ZKSCAN7: variants seen among roughly 807,000 people sequenced by gnomAD.
ZKSCAN7 encodes the protein zinc finger with KRAB and SCAN domains 7.
Under a neutral mutation model 65.3 loss-of-function variants are expected in ZKSCAN7, and 38 were observed. The ratio of observed to expected loss-of-function variants is 0.58; its 90% CI spans 0.45 to 0.76. The LOEUF is 0.76. Ranked by LOEUF, ZKSCAN7 falls within the 30% of genes least tolerant of loss-of-function variation. The probability of loss-of-function intolerance (pLI) is 0.00; values close to 1 mark genes in which losing one functional copy is unlikely to be tolerated. For missense variants in ZKSCAN7, 815 were observed against 913.3 expected, an observed-to-expected ratio of 0.89 and a Z score of 1.39; for synonymous variants, 321 against 321.0, an observed-to-expected ratio of 1.00 and a Z score of 0.00.
chr3:44,580,239 C>T, intron 5 of ZKSCAN7: 1 of 1,613,200 alleles, frequency 6.2e-7, no homozygotes, highest in South Asian at 1.1e-5. Context: ...AGAGAAGTAG[C>T]TGCTCTCCCC....
At chr3:44,582,940 G>A in intron 5 of ZKSCAN7, 3 of 430,460 alleles carry the variant, frequency 7.0e-6, no homozygotes, top group African/African-American at 2.0e-5. Flanking sequence ...GTGTGTGTGT[G>A]TGTGTGACTG....
downstream of ZKSCAN7, among the ~76,000 whole-genome samples, chr3:44,576,425 A>AT (rs1280685196): frequency 6.6e-6 from 1 of 151,946 alleles, no homozygotes. Flanking sequence ...GATGTTTTGC[A>AT]TTTTGGTTTC....
In ZKSCAN7 at chr3:44,564,809, G is replaced by GT. The variant is rs566084039; in HGVS notation, c.424-669dup. On this transcript the variant is annotated intron_variant, in intron 2 of 5. Coordinates refer to ENST00000426540, the MANE Select transcript of ZKSCAN7 (RefSeq NM_001288590.2). ...TTTTGTTTGTTTGGTTTTTGTTTTT[G>GT]TTTTTTTTTGAGACGGAGTCTCGCT... Among the ~76,000 whole-genome samples, 1,078 of 150,256 alleles carry GT rather than the reference G, an allele frequency of 7.2e-3. 4 individuals are homozygous for GT. Among genetic ancestry groups the GT allele is most frequent in the African/African-American group, 0.019 (789 of 40,940 alleles).
intron 2 of ZKSCAN7, among the ~76,000 whole-genome samples, chr3:44,565,259 A>G (rs562449133): frequency 6.6e-6 from 1 of 152,294 alleles, no homozygotes; most frequent in East Asian, 1.9e-4. Flanking sequence ...TCTGGTCCTC[A>G]AGCCCCTACC....
At chr3:44,577,642 G>C (rs4682747) in intron 5 of ZKSCAN7, among the ~76,000 whole-genome samples, 133,518 of 152,122 alleles carry the variant, frequency 0.88, 58,704 homozygotes, top group Middle Eastern at 0.93. Flanking sequence ...GTGAGTGTGG[G>C]GGGTCACAGC....
In ZKSCAN7 at chr3:44,570,579, C is replaced by T. The variant is rs752660646; in HGVS notation, c.1469C>T (p.Thr490Ile). 6.2e-7 allele frequency: 1 copy of T among 1,612,696 alleles called. No individual in the cohort carries two copies. The highest frequency in any genetic ancestry group is 2.2e-5 in the East Asian group (1 of 44,860). Residue 490 changes from threonine to isoleucine, a missense_variant, in exon 6 of 6, where the codon ACT becomes ATT. Around this residue, in one of 3 missense-constraint regions of ZKSCAN7, gnomAD observed 578 missense variants for 629.5 expected, o/e 0.92. Transcript: ENST00000426540. Reference sequence around the variant, plus strand: ...CTCACTGACCACCAGAGAACCCATACTGGGGAGAAACCTTATGAATGCAAT... The same window carrying T: ...CTCACTGACCACCAGAGAACCCATATTGGGGAGAAACCTTATGAATGCAAT... ...SRLTDHQRTH[T>I]GEKPYECNEC...
At chr3:44,581,337 T>G (rs2125737865) in intron 5 of ZKSCAN7, among the ~76,000 whole-genome samples, 1 of 151,302 alleles carries the variant, frequency 6.6e-6, no homozygotes, top group Middle Eastern at 3.4e-3. Context: ...TCCCGGCTCG[T>G]CCGCGCCGCC....
At chr3:44,581,173 G>GCGCCGAGGCTCCTGAGC (rs1700075175) in intron 5 of ZKSCAN7, 1 of 823,732 alleles carries the variant, frequency 1.2e-6, no homozygotes, top group African/African-American at 1.9e-5. Context: ...CTCGCTGCAC[G>GCGCCGAGGCTCCTGAGC]CGCCGAGGCT....
At position 44,557,095 on chromosome 3, in the gene ZKSCAN7, T is replaced by C. The variant is rs773061131; in HGVS notation, c.48T>C (p.Thr16=). Residue 16 remains threonine (T), a synonymous_variant, in exon 2 of 6, where the codon ACT becomes ACC. Coordinates refer to ENST00000426540, the MANE Select transcript of ZKSCAN7 (RefSeq NM_001288590.2). The stretch of plus-strand genomic sequence containing the variant: ...ATTTAGGCCTCATCCCCAGGAGCAC[T>C]GCTTTCCAGAAGCAAGAGGGGCGCC... ...RGNLGLIPRS[T]AFQKQEGRLT... 1.2e-6 allele frequency: 2 copies of C among 1,614,242 alleles called. No homozygotes were observed. Among genetic ancestry groups the C allele is most frequent in the Non-Finnish European group, 1.7e-6 (2 of 1,180,046 alleles).
intron 2 of ZKSCAN7, among the ~76,000 whole-genome samples, chr3:44,563,447 A>T (rs538352756): frequency 6.6e-6 from 1 of 152,324 alleles, no homozygotes; most frequent in East Asian, 1.9e-4. Context: ...GTCGACTCAC[A>T]GTTCTGCAGG....
chr3:44,565,868 C>G (rs934114551), intron 3 of ZKSCAN7, among the ~76,000 whole-genome samples: 1 of 152,222 alleles, frequency 6.6e-6, no homozygotes, highest in Non-Finnish European at 1.5e-5. Context: ...GTAGGAAAGG[C>G]ACTGCCAGAG....
At chr3:44,580,398 T>G in intron 5 of ZKSCAN7, 1 of 1,601,634 alleles carries the variant, frequency 6.2e-7, no homozygotes, top group Non-Finnish European at 8.5e-7. Context: ...GCCATCTGGC[T>G]GGTCCTTGGT....
At position 44,570,804 on chromosome 3, in the gene ZKSCAN7, G is replaced by A. The variant is rs1374682565; in HGVS notation, c.1694G>A (p.Cys565Tyr). The part of the protein sequence containing the change: ...ECGKAFSRSK[C>Y]LIRHQSLHTG... Reference sequence around the variant, plus strand: ...GGCAAAGCCTTCAGTCGGAGTAAATGTCTTATTCGACATCAGAGCCTCCAT... The same window carrying A: ...GGCAAAGCCTTCAGTCGGAGTAAATATCTTATTCGACATCAGAGCCTCCAT... The change falls in exon 6 of 6, where the codon TGT becomes TAT. Residue 565 changes from cysteine to tyrosine, a missense_variant. This residue lies in a region of ZKSCAN7 where 578 missense variants were observed against 629.5 expected (regional missense o/e 0.92). Transcript: ENST00000426540. 2 of 1,614,120 alleles carry A rather than the reference G, an allele frequency of 1.2e-6. No homozygotes were observed. Among genetic ancestry groups the A allele is most frequent in the Non-Finnish European group, 1.7e-6 (2 of 1,180,028 alleles).
intron 2 of ZKSCAN7, among the ~76,000 whole-genome samples, chr3:44,558,782 A>ATTTTTTTTTT (rs35709621): frequency 3.2e-5 from 3 of 92,704 alleles, no homozygotes; most frequent in African/African-American, 8.4e-5. Context: ...TTTCTTCTTC[A>ATTTTTTTTTT]TTTTTTTTTT....
At chr3:44,581,830 C>G (rs1438399570) in intron 5 of ZKSCAN7, among the ~76,000 whole-genome samples, 1 of 152,174 alleles carries the variant, frequency 6.6e-6, no homozygotes, top group African/African-American at 2.4e-5. Context: ...CATTCAGCTT[C>G]TAAATGCAGT....
rs201600666 is a variant in ZKSCAN7 at position 44,571,302 on chromosome 3, G to A, written c.2192G>A (p.Arg731His). The A allele has an allele frequency of 6.9e-5, 111 of 1,614,244 alleles. 1 individual carries two copies. The highest frequency in any genetic ancestry group is 8.7e-5 in the Non-Finnish European group (103 of 1,180,052). Residue 731 changes from arginine to histidine, a missense_variant, in exon 6 of 6, where the codon CGT (arginine) becomes CAT (histidine). Arg to His is a conservative substitution (Grantham distance 29). Coordinates refer to ENST00000426540, the MANE Select transcript of ZKSCAN7 (RefSeq NM_001288590.2). The stretch of plus-strand genomic sequence containing the variant: ...GAATGTGGGAAAGCCTTTAGTCAGC[G>A]TTCCACTTTTAATCACCACCAGCGA... ...CSECGKAFSQRSTFNHHQRTH... is the reference protein window; with the variant it reads ...CSECGKAFSQHSTFNHHQRTH...
intron 2 of ZKSCAN7, among the ~76,000 whole-genome samples, chr3:44,562,786 C>T (rs567335656): frequency 4.6e-5 from 7 of 151,910 alleles, no homozygotes; most frequent in South Asian, 2.1e-4. Flanking sequence ...ATCGAGACCA[C>T]GGTGAAACCC....
At position 44,571,330 on chromosome 3, in the gene ZKSCAN7, T is replaced by C. The variant is rs1699804175; in HGVS notation, c.2220T>C (p.Thr740=). The change falls in exon 6 of 6, where the codon ACT becomes ACC. Residue 740 remains threonine (T), a synonymous_variant. Coordinates refer to ENST00000426540, the MANE Select transcript of ZKSCAN7 (RefSeq NM_001288590.2). ...QRSTFNHHQR[T]HTGEKSSGLA... ...CCACTTTTAATCACCACCAGCGAACTCACACTGGAGAGAAGTCCTCAGGTC... is the reference window on the plus strand; with the variant it reads ...CCACTTTTAATCACCACCAGCGAACCCACACTGGAGAGAAGTCCTCAGGTC... 6.2e-7 allele frequency: 1 copy of C among 1,614,112 alleles called. No individual in the cohort carries two copies. The highest frequency in any genetic ancestry group is 8.5e-7 in the Non-Finnish European group (1 of 1,180,048).
intron 2 of ZKSCAN7, among the ~76,000 whole-genome samples, chr3:44,562,764 C>T (rs907712703): frequency 3.9e-5 from 6 of 152,184 alleles, no homozygotes; most frequent in South Asian, 4.1e-4. Context: ...AGGTGGATCA[C>T]GAGGTCAGGA....
Sources: gnomAD v4.1 joint callset for allele counts (sites outside exome capture counted in the v4.1 genomes callset) on GRCh38, gnomAD v4.1.1 for gene constraint, gnomAD v4.1.1 regional missense constraint, MANE v1.5 for transcripts, NCBI Gene and HGNC (gene_info 2026-07-23, HGNC 2026-07-21) for gene names.